The following ANTXR1 variants were observed in gnomAD, a reference collection of about 807,000 sequenced individuals.
The protein encoded by ANTXR1 is anthrax toxin receptor 1.
A neutral mutation model predicts 78.1 loss-of-function variants in ANTXR1; 19 were observed. The ratio of observed to expected loss-of-function variants is 0.24; its 90% confidence interval spans 0.17 to 0.36. The LOEUF (loss-of-function observed/expected upper bound fraction) is 0.36, where lower values mean the gene tolerates loss of function less well. Ranked by LOEUF, ANTXR1 falls within the 10% of genes least tolerant of loss-of-function variation. ANTXR1 has a pLI of 1.00. For missense variants in ANTXR1, 518 were observed against 718.6 expected (o/e 0.72, Z 3.19); for synonymous variants, 273 against 260.5 (o/e 1.05, Z -0.46).
In ANTXR1 at chr2:69,048,964, C is replaced by T. The variant is rs560963853; in HGVS notation, c.296+4151C>T. The stretch of plus-strand genomic sequence containing the variant: ...TTAGGGATATACCATGTCTCGTTTA[C>T]GTCCCTCAGTACGATTTTGTTTTTT... On this transcript the variant is annotated intron_variant, in intron 3 of 17. Transcript: ENST00000303714. Among the ~76,000 whole-genome samples the T allele has an allele frequency of 4.6e-5, 7 of 152,242 alleles. No individual in the cohort carries two copies. The South Asian group carries it at 8.3e-4, about 18-fold the overall frequency.
chr2:69,055,444 G>A (rs1222463949), intron 3 of ANTXR1, among the ~76,000 whole-genome samples: 2 of 152,160 alleles, frequency 1.3e-5, no homozygotes, highest in Non-Finnish European at 2.9e-5. Flanking sequence ...TGGTCACAAT[G>A]ATGGTAAAAA....
At chr2:69,065,016 A>G (rs61390735) in intron 3 of ANTXR1, among the ~76,000 whole-genome samples, 7,332 of 152,238 alleles carry the variant, frequency 0.048, 368 homozygotes, top group East Asian at 0.22. Context: ...AATAATAACA[A>G]GTGAATCAAT....
intron 17 of ANTXR1, among the ~76,000 whole-genome samples, chr2:69,229,137 C>T (rs1293422679): frequency 6.6e-6 from 1 of 152,180 alleles, no homozygotes; most frequent in Non-Finnish European, 1.5e-5. Context: ...AGACCCCACC[C>T]TCAAATACTA....
intron 17 of ANTXR1, among the ~76,000 whole-genome samples, chr2:69,212,714 T>C (rs11890541): frequency 0.014 from 2,103 of 152,144 alleles, 49 homozygotes; most frequent in African/African-American, 0.048. Flanking sequence ...TGCAGTAGAG[T>C]GATCACAGCT....
intron 17 of ANTXR1, among the ~76,000 whole-genome samples, chr2:69,203,147 G>T (rs1379073820): frequency 2.0e-5 from 3 of 152,174 alleles, no homozygotes; most frequent in Admixed American, 6.5e-5. Flanking sequence ...CTGACACCAG[G>T]TATAAGGTCC....
At chr2:69,241,214 C>A (rs746852629) in intron 17 of ANTXR1, among the ~76,000 whole-genome samples, 7 of 152,234 alleles carry the variant, frequency 4.6e-5, no homozygotes, top group Non-Finnish European at 1.0e-4. Context: ...ATCGTCCTAG[C>A]AACCTTTTAA....
intron 12 of ANTXR1, among the ~76,000 whole-genome samples, chr2:69,131,107 T>C (rs577136885): frequency 8.5e-5 from 13 of 152,278 alleles, no homozygotes; most frequent in African/African-American, 3.1e-4. Context: ...AAAAAATCTA[T>C]CATGCATTCA....
At chr2:69,085,712 A>AG (rs1671030377) in intron 8 of ANTXR1, among the ~76,000 whole-genome samples, 1 of 151,932 alleles carries the variant, frequency 6.6e-6, no homozygotes, top group South Asian at 2.1e-4. Context: ...AACAATAAAA[A>AG]AAAAACACTG....
At chr2:69,046,598 G>A (rs1385574869) in intron 3 of ANTXR1, among the ~76,000 whole-genome samples, 1 of 151,936 alleles carries the variant, frequency 6.6e-6, no homozygotes, top group Non-Finnish European at 1.5e-5. Context: ...GCTTGGCCTA[G>A]GTCAGCTGGG....
intron 17 of ANTXR1, among the ~76,000 whole-genome samples, chr2:69,244,132 G>A (rs1426333956): frequency 6.6e-6 from 1 of 152,242 alleles, no homozygotes; most frequent in Non-Finnish European, 1.5e-5. Context: ...GGGGGACAGA[G>A]AAAGCATGCC....
At position 69,225,776 on chromosome 2, in the gene ANTXR1, G is replaced by A. The variant is rs554026863; in HGVS notation, c.1435-19449G>A. ...TGTAGTTCTTTAGCCTCTTCAGGGA[G>A]CTTATGGATTGAACACTAGCAAATG... is the stretch of plus-strand genomic sequence containing the variant. On this transcript the variant is annotated intron_variant, in intron 17 of 17. Transcript: ENST00000303714. Among the ~76,000 whole-genome samples, 3 of 152,264 alleles carry A rather than the reference G, an allele frequency of 2.0e-5. No individual in the cohort carries two copies. The East Asian group carries it at 5.8e-4, about 29-fold the overall frequency.
chr2:69,220,573 T>A (rs1013777380), intron 17 of ANTXR1, among the ~76,000 whole-genome samples: 1 of 152,252 alleles, frequency 6.6e-6, no homozygotes, highest in Non-Finnish European at 1.5e-5. Context: ...CTCTTTATAC[T>A]CTATGATTAT....
chr2:69,246,180 G>C lies in ANTXR1; in HGVS notation c.*695G>C, dbSNP rs1182765035. 6.6e-6 allele frequency: 1 copy of C among 152,438 alleles called. No individual in the cohort carries two copies. The highest frequency in any genetic ancestry group is 1.5e-5 in the Non-Finnish European group (1 of 68,094). The allele number at this position is 152,438 out of a possible 1,614,324, so 9.4% of individuals were successfully genotyped here. A position where few individuals can be genotyped will look rare whatever the true frequency, so the allele number is the denominator to read the frequency against. ...CTATGTTGATGTGTAAGTGAAATCAGTTGTGTGCAATAGACAGGGGCGTAT... is the reference window on the plus strand; with the variant it reads ...CTATGTTGATGTGTAAGTGAAATCACTTGTGTGCAATAGACAGGGGCGTAT... On this transcript the variant is annotated 3_prime_UTR_variant, in exon 18 of 18. Transcript: ENST00000303714.
intron 12 of ANTXR1, among the ~76,000 whole-genome samples, chr2:69,150,115 G>C (rs1673350945): frequency 1.3e-5 from 2 of 152,322 alleles, no homozygotes; most frequent in Admixed American, 1.3e-4. Flanking sequence ...TTTGGTCAGA[G>C]ACATTCCAGG....
At chr2:69,147,560 C>T (rs1360909429) in intron 12 of ANTXR1, among the ~76,000 whole-genome samples, 1 of 152,230 alleles carries the variant, frequency 6.6e-6, no homozygotes, top group African/African-American at 2.4e-5. Flanking sequence ...GAAGGAGCAA[C>T]TGCAAACATG....
rs997057756 is a variant in ANTXR1, at chr2:69,015,978, CAA to C, written c.152+2328_152+2329del. Among the ~76,000 whole-genome samples, 7 of 152,020 alleles carry C rather than the reference CAA, an allele frequency of 4.6e-5. No homozygotes were observed. In the East Asian group the frequency reaches 9.6e-4, roughly 21 times the overall value. On this transcript the variant is annotated intron_variant, in intron 1 of 17. Coordinates refer to ENST00000303714, the MANE Select transcript of ANTXR1 (RefSeq NM_032208.3). ...TAATCAAAGAAATGAAAAAATCAAA[CAA>C]TATGATTTTTATTAGGTTGGCAAAA...
At chr2:69,236,653 A>G (rs1448697018) in intron 17 of ANTXR1, among the ~76,000 whole-genome samples, 1 of 152,252 alleles carries the variant, frequency 6.6e-6, no homozygotes, top group Non-Finnish European at 1.5e-5. Context: ...TTGTTCTAAA[A>G]CAATTGACAG....
chr2:69,078,635 C>A (rs749055197), intron 8 of ANTXR1, among the ~76,000 whole-genome samples: 1 of 152,124 alleles, frequency 6.6e-6, no homozygotes, highest in African/African-American at 2.4e-5. Context: ...ACTTAGAGAT[C>A]CTTGGACATT....
intron 17 of ANTXR1, among the ~76,000 whole-genome samples, chr2:69,244,399 A>C (rs113615003): frequency 1.1e-4 from 17 of 152,356 alleles, no homozygotes; most frequent in African/African-American, 4.1e-4. Flanking sequence ...CTACCTGCAC[A>C]GGTGCAGCCG....
Sources: gnomAD v4.1 joint callset for allele counts (sites outside exome capture counted in the v4.1 genomes callset) on GRCh38, gnomAD v4.1.1 for gene constraint, MANE v1.5 for transcripts, NCBI Gene and HGNC (gene_info 2026-07-23, HGNC 2026-07-21) for gene names.